Variants in TEAD4 observed in about 807,000 individuals in gnomAD.
The protein encoded by TEAD4 is TEA domain transcription factor 4.
A neutral mutation model predicts 52.4 loss-of-function variants in TEAD4; 36 were observed. That is an observed-to-expected ratio of 0.69 (90% CI 0.53 to 0.91). TEAD4 has a LOEUF of 0.91. Ranked by LOEUF, TEAD4 falls within the 40% of genes least tolerant of loss-of-function variation. The pLI, the probability that TEAD4 is intolerant of heterozygous loss-of-function variation, is 0.00. For missense variants in TEAD4, 508 were observed against 583.9 expected (o/e 0.87, Z 1.34); for synonymous variants, 220 against 231.0 (o/e 0.95, Z 0.43).
chr12:3,029,224 G>A (rs562569958), intron 10 of TEAD4, among the ~76,000 whole-genome samples: 1 of 135,154 alleles, frequency 7.4e-6, no homozygotes, highest in East Asian at 2.2e-4. Context: ...GCACTACTAC[G>A]CCTGGCCAAT....
At chr12:3,015,901 G>T (rs1386653830) in intron 5 of TEAD4, among the ~76,000 whole-genome samples, 11 of 152,146 alleles carry the variant, frequency 7.2e-5, no homozygotes, top group African/African-American at 2.7e-4. Context: ...ATTCATGGGT[G>T]GGGGCGGTGG....
intron 2 of TEAD4, among the ~76,000 whole-genome samples, chr12:2,973,611 G>A (rs1220952721): frequency 3.3e-5 from 5 of 152,156 alleles, no homozygotes; most frequent in Non-Finnish European, 7.3e-5. Flanking sequence ...GGAGTCACGG[G>A]GCCTTCCAAG....
At chr12:3,007,347 A>T (rs1166008155) in intron 3 of TEAD4, among the ~76,000 whole-genome samples, 2 of 152,200 alleles carry the variant, frequency 1.3e-5, no homozygotes, top group African/African-American at 4.8e-5. Context: ...CCATTAACTA[A>T]GCATCCTCGC....
intron 2 of TEAD4, among the ~76,000 whole-genome samples, chr12:2,993,969 T>C (rs1394378239): frequency 6.6e-6 from 1 of 152,240 alleles, no homozygotes; most frequent in Admixed American, 6.5e-5. Context: ...ATTCATCCAT[T>C]GATGGACACT....
At chr12:3,000,419 T>TG (rs2153955819) in intron 3 of TEAD4, among the ~76,000 whole-genome samples, 1 of 152,240 alleles carries the variant, frequency 6.6e-6, no homozygotes, top group South Asian at 2.1e-4. Flanking sequence ...CCCGAGGTGG[T>TG]GCAGGCATCC....
At chr12:2,993,453 C>T (rs2098244784) in intron 2 of TEAD4, among the ~76,000 whole-genome samples, 1 of 150,610 alleles carries the variant, frequency 6.6e-6, no homozygotes, top group Non-Finnish European at 1.5e-5. Context: ...ACCCTGCCGA[C>T]TACTTTATTT....
chr12:3,019,256 C>T (rs2098266888), intron 8 of TEAD4, 86 bp downstream of exon 8: 13 of 1,477,352 alleles, frequency 8.8e-6, no homozygotes, highest in South Asian at 7.9e-5. Flanking sequence ...CGAACGCCTG[C>T]GTGTCCCTGT....
chr12:2,971,874 G>A (rs1448896909), intron 2 of TEAD4, among the ~76,000 whole-genome samples: 60 of 144,468 alleles, frequency 4.2e-4, no homozygotes, highest in African/African-American at 1.5e-3. Context: ...GTGCAGTGGC[G>A]CGATCACAGC....
In TEAD4 at chr12:3,018,548, T is replaced by C. The variant is rs779568456; in HGVS notation, c.487T>C (p.Trp163Arg). 1 of 1,614,054 alleles carries C rather than the reference T, an allele frequency of 6.2e-7. No individual in the cohort carries two copies. Among genetic ancestry groups the C allele is most frequent in the Non-Finnish European group, 8.5e-7 (1 of 1,179,960 alleles). The change falls in exon 7 of 13, where the codon TGG becomes CGG. Residue 163 changes from tryptophan (W) to arginine (R), a missense_variant. By Grantham distance (101) the Trp-to-Arg change is moderately radical. Coordinates refer to ENST00000359864, the MANE Select transcript of TEAD4 (RefSeq NM_003213.4). ...TCCATGCCTTTTGCCTCCTCAGTTTTGGCAAGGAGCTTTGCCAGGCCAAGC... is the reference window on the plus strand; with the variant it reads ...TCCATGCCTTTTGCCTCCTCAGTTTCGGCAAGGAGCTTTGCCAGGCCAAGC...
In TEAD4 at chr12:3,040,466, G is replaced by A; in HGVS notation, c.1293G>A (p.Leu431=). Residue 431 remains leucine, a synonymous_variant, in exon 13 of 13, where the codon CTG becomes CTA. Coordinates refer to ENST00000359864, the MANE Select transcript of TEAD4 (RefSeq NM_003213.4). ...GGGCTCAGCACCACATCTACAGGCT[G>A]GTGAAAGAATGAGAGACTCGGGGAG... 6.2e-7 allele frequency: 1 copy of A among 1,614,124 alleles called. No individual in the cohort carries two copies. Among genetic ancestry groups the A allele is most frequent in the Non-Finnish European group, 8.5e-7 (1 of 1,180,014 alleles).
rs35233597 is a variant in TEAD4 at position 2,988,508 on chromosome 12, C to CAA, written c.-29-6213_-29-6212dup. On this transcript the variant is annotated intron_variant, in intron 2 of 12. Coordinates refer to ENST00000359864, the MANE Select transcript of TEAD4 (RefSeq NM_003213.4). The stretch of plus-strand genomic sequence containing the variant: ...CACTCCAGCCTGGGCAAAAAAAGCT[C>CAA]AAAAAAAAAAAAAAAAAAGATATAT... 4.5e-3 allele frequency among the ~76,000 whole-genome samples: 591 copies of CAA among 131,272 alleles called. 6 individuals are homozygous for CAA. The highest frequency in any genetic ancestry group is 0.013 in the African/African-American group (437 of 33,684). The allele number at this position is 131,272 out of a possible 152,430, so 86.1% of individuals were successfully genotyped here.
At chr12:3,003,792 A>G (rs2098253585) in intron 3 of TEAD4, among the ~76,000 whole-genome samples, 1 of 152,100 alleles carries the variant, frequency 6.6e-6, no homozygotes, top group African/African-American at 2.4e-5. Flanking sequence ...CCACGTTGCA[A>G]TGCGCAGCTG....
intron 2 of TEAD4, among the ~76,000 whole-genome samples, chr12:2,988,786 A>C (rs2098240752): frequency 6.6e-6 from 1 of 152,130 alleles, no homozygotes; most frequent in Admixed American, 6.5e-5. Flanking sequence ...TTAATCAGTC[A>C]TGCCTATGTA....
chr12:3,025,798 A>G (rs1057400762), intron 10 of TEAD4, among the ~76,000 whole-genome samples: 3 of 152,090 alleles, frequency 2.0e-5, no homozygotes, highest in Non-Finnish European at 4.4e-5. Context: ...CGGCCTTCCA[A>G]ATTGCTGGGA....
chr12:2,965,805 A>G (rs948049234), intron 2 of TEAD4, among the ~76,000 whole-genome samples: 7 of 152,122 alleles, frequency 4.6e-5, no homozygotes, highest in Admixed American at 1.3e-4. Flanking sequence ...CGGCCTCCCA[A>G]AGTGCTGGGA....
chr12:2,966,898 G>A (rs2098220869), intron 2 of TEAD4, among the ~76,000 whole-genome samples: 6 of 152,134 alleles, frequency 3.9e-5, no homozygotes, highest in Admixed American at 3.9e-4. Flanking sequence ...GTAGAAATGT[G>A]GTTTCACCAT....
At chr12:3,019,036 C>A in intron 7 of TEAD4, 79 bp from the exon 8 acceptor site, 2 of 1,558,248 alleles carry the variant, frequency 1.3e-6, no homozygotes, top group Non-Finnish European at 1.8e-6. Context: ...ACCTACCACA[C>A]AGACCACTGG....
intron 10 of TEAD4, among the ~76,000 whole-genome samples, chr12:3,022,636 C>T (rs1474111226): frequency 6.6e-6 from 1 of 152,222 alleles, no homozygotes; most frequent in Non-Finnish European, 1.5e-5. Flanking sequence ...GGAACCTCCT[C>T]CATTGAAACG....
intron 2 of TEAD4, among the ~76,000 whole-genome samples, chr12:2,971,767 G>A (rs954656608): frequency 1.3e-5 from 2 of 149,884 alleles, no homozygotes; most frequent in African/African-American, 2.5e-5. Flanking sequence ...GAGCCACCCC[G>A]CCTGGCTGTG....
Sources: allele counts gnomAD v4.1 joint callset (sites outside exome capture counted in the v4.1 genomes callset), GRCh38; gene constraint gnomAD v4.1.1; transcripts MANE v1.5; gene names NCBI Gene and HGNC (gene_info 2026-07-23, HGNC 2026-07-21).